The following NLRC5 variants were observed in gnomAD, a reference collection of about 807,000 sequenced individuals.
NLRC5 encodes the protein NLR family CARD domain containing 5, also known as protein NLRC5.
NLRC5 carries 114 observed loss-of-function variants against 206.9 expected under a neutral mutation model. The ratio of observed to expected loss-of-function variants is 0.55; its 90% CI spans 0.47 to 0.64. NLRC5 has a LOEUF of 0.64. Ranked by LOEUF, NLRC5 falls within the 30% of genes least tolerant of loss-of-function variation. NLRC5 has a pLI of 0.00. For synonymous variants in NLRC5, 952 were observed against 962.8 expected (o/e 0.99, Z 0.21); for missense variants, 2,008 against 2,305.5 (o/e 0.87, Z 2.64).
At chr16:57,027,092 CCT>C (rs2061334120) in intron 6 of NLRC5, 74 bp downstream of exon 6, 22 of 1,514,654 alleles carry the variant, frequency 1.5e-5, no homozygotes, top group Non-Finnish European at 2.0e-5. Flanking sequence ...GTCTAGCAAA[CCT>C]CTGCCAAGAG....
rs770877382 is a variant in NLRC5 at position 57,026,228 on chromosome 16, G to A, written c.1285G>A (p.Val429Met). 8.7e-6 allele frequency: 14 copies of A among 1,613,686 alleles called. No homozygotes were observed. In the South Asian group the frequency reaches 1.5e-4, roughly 18 times the overall value. Residue 429 changes from valine (V) to methionine (M), a missense_variant, in exon 6 of 49, where the codon GTG becomes ATG. Physicochemically the swap from Val to Met is conservative, Grantham distance 21. Coordinates refer to ENST00000688547, the MANE Select transcript of NLRC5 (RefSeq NM_001384950.1). ...LLPDHAPGQS[V>M]ALLPNMTQLY... ...TCCTGACCACGCCCCAGGCCAGTCT[G>A]TGGCCCTCCTGCCCAACATGACTCA...
Position 57,020,849 on chromosome 16 carries a change from A to G in NLRC5, c.137A>G (p.Glu46Gly). Residue 46 changes from glutamate to glycine, a missense_variant, in exon 3 of 49, where the codon GAG becomes GGG. Glu to Gly is a moderately conservative substitution (Grantham distance 98). Coordinates refer to ENST00000688547, the MANE Select transcript of NLRC5 (RefSeq NM_001384950.1). Reference sequence around the variant, plus strand: ...AACACGGACCTGGATTCCAGGAACGAGACCTTGGACCCTGAACAGAGAGTC... The same window carrying G: ...AACACGGACCTGGATTCCAGGAACGGGACCTTGGACCCTGAACAGAGAGTC... Reference protein sequence around the residue: ...LPNTDLDSRNETLDPEQRVIL... With the variant: ...LPNTDLDSRNGTLDPEQRVIL... 6.2e-7 allele frequency: 1 copy of G among 1,613,692 alleles called. No individual in the cohort carries two copies. The highest frequency in any genetic ancestry group is 8.5e-7 in the Non-Finnish European group (1 of 1,179,944).
At chr16:57,013,413 T>C (rs1273077943) in intron 1 of NLRC5, 1 of 640,514 alleles carries the variant, frequency 1.6e-6, no homozygotes, top group Non-Finnish European at 2.9e-6. Context: ...ATTTTGAAGA[T>C]TTTTTCTGAT....
rs112251429 is a variant in NLRC5 at position 57,077,607 on chromosome 16, C to T, written c.4920-112C>T. 1.7e-3 allele frequency: 1,880 copies of T among 1,107,158 alleles called. 15 individuals are homozygous for T. In the African/African-American group the frequency reaches 0.023, roughly 14 times the overall value. 68.6% of individuals were successfully genotyped at this position (1,107,158 alleles called of 1,614,324 possible). A position where few individuals can be genotyped will look rare whatever the true frequency, so the allele number is the denominator to read the frequency against. Reference sequence around the variant, plus strand: ...CATTGTCTGGGTAGGTGTGTGGTGTCGGGGGGTTGTCTCTTAGGCCCCCTG... The same window carrying T: ...CATTGTCTGGGTAGGTGTGTGGTGTTGGGGGGTTGTCTCTTAGGCCCCCTG... On this transcript the variant is annotated intron_variant, in intron 41 of 48. Coordinates refer to ENST00000688547, the MANE Select transcript of NLRC5 (RefSeq NM_001384950.1).
At chr16:57,002,064 C>T (rs1401283902) in intron 1 of NLRC5, among the ~76,000 whole-genome samples, 3 of 152,220 alleles carry the variant, frequency 2.0e-5, no homozygotes, top group African/African-American at 7.2e-5. Flanking sequence ...CCATCCATGT[C>T]CTTGCAAATG....
chr16:57,062,732 C>G (rs2066666426), intron 32 of NLRC5: 1 of 152,334 alleles, frequency 6.6e-6, no homozygotes, highest in South Asian at 2.1e-4. Flanking sequence ...TGACTGTTCC[C>G]CAAAATAACC....
intron 34 of NLRC5, among the ~76,000 whole-genome samples, chr16:57,067,030 T>C (rs1247744440): frequency 6.6e-6 from 1 of 152,208 alleles, no homozygotes; most frequent in Non-Finnish European, 1.5e-5. Flanking sequence ...TATAGATCCC[T>C]GGATTCACAG....
chr16:57,009,102 C>A (rs1283241455), intron 1 of NLRC5, among the ~76,000 whole-genome samples: 2 of 151,716 alleles, frequency 1.3e-5, no homozygotes, highest in African/African-American at 4.8e-5. Context: ...ACCCGCCTGG[C>A]CAACATGGTG....
chr16:57,036,012 G>C (rs1446967825), intron 13 of NLRC5, 88 bp from the exon 14 acceptor site: 6 of 1,263,722 alleles, frequency 4.7e-6, no homozygotes, highest in Non-Finnish European at 6.9e-6. Context: ...GTGACACTTT[G>C]ACTAAAGTTA....
At chr16:57,021,300 T>A (rs533647269) in intron 3 of NLRC5, among the ~76,000 whole-genome samples, 5 of 152,174 alleles carry the variant, frequency 3.3e-5, no homozygotes, top group Admixed American at 6.5e-5. Flanking sequence ...TTATTTCTTC[T>A]TTTTTGGCGG....
chr16:57,015,095 A>G lies in NLRC5; in HGVS notation c.-127-1979A>G, dbSNP rs149382624. On this transcript the variant is annotated intron_variant, in intron 1 of 48. Transcript: ENST00000688547. The stretch of plus-strand genomic sequence containing the variant: ...AGGTGCCTGCCACCATGCCTGACTA[A>G]TTTTTATGTTTTTATTAGAGATGGG... Among the ~76,000 whole-genome samples the G allele has an allele frequency of 4.1e-3, 620 of 152,042 alleles. 2 individuals carry two copies. Among genetic ancestry groups the G allele is most frequent in the African/African-American group, 0.014 (589 of 41,474 alleles).
chr16:56,991,736 T>A (rs1238616581), intron 1 of NLRC5, among the ~76,000 whole-genome samples: 3 of 145,520 alleles, frequency 2.1e-5, no homozygotes, highest in African/African-American at 7.6e-5. Context: ...TGGCCTCAAG[T>A]GATCAGTCTG....
intron 32 of NLRC5, among the ~76,000 whole-genome samples, chr16:57,063,302 G>A (rs555809386): frequency 1.3e-5 from 2 of 151,476 alleles, no homozygotes; most frequent in East Asian, 1.9e-4. Flanking sequence ...TTTTTGTAGA[G>A]ACAGGGTTTC....
chr16:57,033,683 A>T lies in NLRC5; in HGVS notation c.2543+14A>T, dbSNP rs58124158. ...CTTGACGCTCAGGTACCTTGGAGGG[A>T]TCTATTGCCTTAGGAGAGGGATATG... On this transcript the variant is annotated intron_variant, in intron 12 of 48. Coordinates refer to ENST00000688547, the MANE Select transcript of NLRC5 (RefSeq NM_001384950.1). 0.31 allele frequency: 496,684 copies of T among 1,610,104 alleles called. 78,156 individuals are homozygous for T. The highest frequency in any genetic ancestry group is 0.39 in the Middle Eastern group (2,344 of 6,058).
At chr16:57,077,411 A>AG (rs759670250) in intron 41 of NLRC5, 32 bp downstream of exon 41, 2 of 1,578,276 alleles carry the variant, frequency 1.3e-6, no homozygotes, top group Non-Finnish European at 8.7e-7. Flanking sequence ...GGAGGGCCAC[A>AG]GGGGTCACAC....
chr16:57,022,276 G>C lies in NLRC5; in HGVS notation c.316G>C (p.Ala106Pro). The change falls in exon 4 of 49, where the codon GCT becomes CCT. Residue 106 changes from alanine (A) to proline (P), a missense_variant. Physicochemically the swap from Ala to Pro is conservative, Grantham distance 27 (BLOSUM62 -1). Transcript: ENST00000688547. ...YDDGFTSQLG[A>P]EGKSQPESQL... ...TGCAGGGTTCACCAGCCAGCTGGGAGCTGAGGGGAAAAGCCAACCTGAATC... is the reference window on the plus strand; with the variant it reads ...TGCAGGGTTCACCAGCCAGCTGGGACCTGAGGGGAAAAGCCAACCTGAATC... 1 of 1,612,228 alleles carries C rather than the reference G, an allele frequency of 6.2e-7. No individual in the cohort carries two copies. Among genetic ancestry groups the C allele is most frequent in the Non-Finnish European group, 8.5e-7 (1 of 1,178,440 alleles).
At chr16:57,018,204 G>A (rs1221873661) in intron 2 of NLRC5, among the ~76,000 whole-genome samples, 6 of 152,182 alleles carry the variant, frequency 3.9e-5, no homozygotes, top group Non-Finnish European at 5.9e-5. Flanking sequence ...ACCATAGCCT[G>A]GAAAAGAAGT....
At chr16:57,059,089 C>T (rs1043374843) in intron 29 of NLRC5, 28 bp downstream of exon 29, 2 of 1,613,406 alleles carry the variant, frequency 1.2e-6, no homozygotes, top group Admixed American at 3.3e-5. Flanking sequence ...CCCGAAAAGC[C>T]CCTTTCTGCT....
intron 10 of NLRC5, among the ~76,000 whole-genome samples, chr16:57,030,768 C>A (rs1424107384): frequency 6.6e-6 from 1 of 152,126 alleles, no homozygotes; most frequent in African/African-American, 2.4e-5. Flanking sequence ...CAGTTTTGAT[C>A]ATGGGGTAGG....
Sources: allele counts gnomAD v4.1 joint callset (sites outside exome capture counted in the v4.1 genomes callset), GRCh38; gene constraint gnomAD v4.1.1; transcripts MANE v1.5; gene names NCBI Gene and HGNC (gene_info 2026-07-23, HGNC 2026-07-21).